The following ADCY2 variants were observed in gnomAD, a reference collection of about 807,000 sequenced individuals.
ADCY2 encodes adenylate cyclase 2.
A neutral mutation model predicts 125.2 loss-of-function variants in ADCY2; 31 were observed. The observed-to-expected ratio is 0.25, with a 90% CI of 0.19 to 0.33. The LOEUF (loss-of-function observed/expected upper bound fraction) is 0.33. ADCY2 is among the 10% of genes least tolerant of loss of function. The pLI is 1.00. For missense variants in ADCY2, 904 were observed against 1,418.2 expected (o/e 0.64, Z 5.82); for synonymous variants, 512 against 548.4 (o/e 0.93, Z 0.93).
At chr5:7,475,047 A>AG (rs1742471216) in intron 2 of ADCY2, among the ~76,000 whole-genome samples, 1 of 152,144 alleles carries the variant, frequency 6.6e-6, no homozygotes, top group South Asian at 2.1e-4. Context: ...GTGACCCAGC[A>AG]GGGGGAGTCC....
At chr5:7,668,133 A>T (rs10076838) in intron 4 of ADCY2, among the ~76,000 whole-genome samples, 2 of 152,250 alleles carry the variant, frequency 1.3e-5, no homozygotes, top group Non-Finnish European at 2.9e-5. Flanking sequence ...TAATGTGTCA[A>T]TTTGGGTAGG....
chr5:7,668,597 A>T (rs1370394165), intron 4 of ADCY2, among the ~76,000 whole-genome samples: 1 of 152,222 alleles, frequency 6.6e-6, no homozygotes, highest in African/African-American at 2.4e-5. Flanking sequence ...GATCTAGAAA[A>T]CAAGAGTTTT....
chr5:7,482,931 A>G (rs781309720), intron 2 of ADCY2, among the ~76,000 whole-genome samples: 4 of 151,906 alleles, frequency 2.6e-5, no homozygotes, highest in Non-Finnish European at 5.9e-5. Flanking sequence ...GACGAATACC[A>G]CATGTTCTCA....
At chr5:7,551,010 TTCCCTCCCTCCCTCCC>T (rs200177703) in intron 3 of ADCY2, among the ~76,000 whole-genome samples, 1 of 136,776 alleles carries the variant, frequency 7.3e-6, no homozygotes, top group African/African-American at 2.7e-5. Flanking sequence ...GCCTCCCTTC[TTCCCTCCCTCCCTCCC>T]TCCCTCCCTT....
chr5:7,450,234 C>A (rs1361015427), intron 2 of ADCY2, among the ~76,000 whole-genome samples: 1 of 152,168 alleles, frequency 6.6e-6, no homozygotes, highest in Admixed American at 6.5e-5. Flanking sequence ...AAACAGTTAG[C>A]CCAGTTGTGA....
At chr5:7,736,203 G>GGGC (rs1742248472) in intron 14 of ADCY2, among the ~76,000 whole-genome samples, 1 of 152,122 alleles carries the variant, frequency 6.6e-6, no homozygotes, top group Admixed American at 6.5e-5. Context: ...TTGGGTGACA[G>GGGC]AGCAAGACTC....
intron 2 of ADCY2, among the ~76,000 whole-genome samples, chr5:7,508,411 C>G (rs1249810805): frequency 2.6e-5 from 4 of 152,168 alleles, no homozygotes; most frequent in African/African-American, 9.7e-5. Context: ...TAGCCTTCTC[C>G]ACAAGCTCAG....
chr5:7,436,374 T>C (rs1740800845), intron 2 of ADCY2, among the ~76,000 whole-genome samples: 1 of 152,240 alleles, frequency 6.6e-6, no homozygotes, highest in African/African-American at 2.4e-5. Context: ...TTGCAGTTGC[T>C]GACTTCACAT....
chr5:7,680,181 G>T (rs923335349), intron 4 of ADCY2, among the ~76,000 whole-genome samples: 4 of 152,178 alleles, frequency 2.6e-5, no homozygotes, highest in African/African-American at 9.7e-5. Context: ...AGTTGTCAAT[G>T]TTTGTGAGCA....
Position 7,441,427 on chromosome 5 carries a change from T to A in ADCY2, c.408+26657T>A, listed in dbSNP as rs189284726. On this transcript the variant is annotated intron_variant, in intron 2 of 24. Transcript: ENST00000338316. ...TTAATTATTTTTAGTGTTTTTTTTT[T>A]AAATAATCAGTCAATATAAAAGTTA... Among the ~76,000 whole-genome samples the A allele has an allele frequency of 1.3e-3, 194 of 152,078 alleles. 1 individual carries two copies. Among genetic ancestry groups the A allele is most frequent in the African/African-American group, 4.4e-3 (181 of 41,422 alleles).
chr5:7,670,620 C>T (rs957502084), intron 4 of ADCY2, among the ~76,000 whole-genome samples: 2 of 152,232 alleles, frequency 1.3e-5, no homozygotes, highest in East Asian at 1.9e-4. Flanking sequence ...ACACCAGGGA[C>T]GGGTTTTGTA....
chr5:7,457,791 A>T (rs985944106), intron 2 of ADCY2, among the ~76,000 whole-genome samples: 1 of 152,210 alleles, frequency 6.6e-6, no homozygotes, highest in African/African-American at 2.4e-5. Flanking sequence ...TCTGAAGCTG[A>T]GAAGTAAGAG....
At chr5:7,658,429 GTGTATATATA>G (rs1246012301) in intron 4 of ADCY2, among the ~76,000 whole-genome samples, 2 of 126,960 alleles carry the variant, frequency 1.6e-5, no homozygotes, top group Non-Finnish European at 3.6e-5. Context: ...GTGTGTGTGT[GTGTATATATA>G]TATATATTTG....
intron 2 of ADCY2, among the ~76,000 whole-genome samples, chr5:7,422,066 C>T (rs996821971): frequency 6.6e-6 from 1 of 152,050 alleles, no homozygotes; most frequent in Non-Finnish European, 1.5e-5. Flanking sequence ...CTTGTTGGTT[C>T]TTACATTCAT....
At chr5:7,507,461 A>G (rs7718989) in intron 2 of ADCY2, among the ~76,000 whole-genome samples, 1 of 114,068 alleles carries the variant, frequency 8.8e-6, no homozygotes, top group South Asian at 2.8e-4. Context: ...AAAAAAAAAA[A>G]GGTAACAAAG....
chr5:7,635,114 A>T (rs903375425), intron 4 of ADCY2, among the ~76,000 whole-genome samples: 2 of 152,134 alleles, frequency 1.3e-5, no homozygotes, highest in East Asian at 3.9e-4. Context: ...GAGAGGCAGG[A>T]GCCAGACTAC....
chr5:7,429,449 T>G (rs966172579), intron 2 of ADCY2, among the ~76,000 whole-genome samples: 3 of 152,202 alleles, frequency 2.0e-5, no homozygotes, highest in Admixed American at 2.0e-4. Context: ...GTCCCAACAA[T>G]GAAGAGTGTG....
intron 3 of ADCY2, among the ~76,000 whole-genome samples, chr5:7,610,357 G>A (rs1179870035): frequency 6.6e-6 from 1 of 152,122 alleles, no homozygotes; most frequent in Non-Finnish European, 1.5e-5. Context: ...AGGCAGGCTG[G>A]GATTCTCCAT....
intron 2 of ADCY2, among the ~76,000 whole-genome samples, chr5:7,475,325 C>T (rs576879761): frequency 1.5e-4 from 22 of 151,710 alleles, no homozygotes; most frequent in African/African-American, 1.9e-4. Context: ...ATGGAGAGGG[C>T]GGATGTGAAG....
Sources: allele counts gnomAD v4.1 joint callset (sites outside exome capture counted in the v4.1 genomes callset), GRCh38; gene constraint gnomAD v4.1.1; transcripts MANE v1.5; gene names NCBI Gene and HGNC (gene_info 2026-07-23, HGNC 2026-07-21).